The following INTS1 variants were observed in gnomAD, a reference collection of about 807,000 sequenced individuals.
INTS1 encodes integrator complex subunit 1.
INTS1 carries 137 observed loss-of-function variants against 241.6 expected under a neutral mutation model. The observed-to-expected ratio is 0.57, with a 90% CI of 0.49 to 0.65. INTS1 has a LOEUF of 0.65. Among genes scored for constraint, INTS1 ranks in the 30% least tolerant of loss-of-function variants. INTS1 has a pLI of 0.00. For missense variants in INTS1, 3,073 were observed against 3,032.2 expected (o/e 1.01, Z -0.32); for synonymous variants, 1,692 against 1,337.8 (o/e 1.26, Z -5.78).
chr7:1,470,347 G>C lies in INTS1; in HGVS notation c.*230C>G, dbSNP rs1781396905. 1 of 489,874 alleles carries C rather than the reference G, an allele frequency of 2.0e-6. No individual in the cohort carries two copies. The highest frequency in any genetic ancestry group is 3.6e-6 in the Non-Finnish European group (1 of 279,562). The allele number at this position is 489,874 out of a possible 1,614,324, so 30.3% of individuals were successfully genotyped here. A position where few individuals can be genotyped will look rare whatever the true frequency, so the allele number is the denominator to read the frequency against. On this transcript the variant is annotated 3_prime_UTR_variant, in exon 48 of 48. Transcript: ENST00000404767. ...GGGGGATCCGCCGCTCCGCGGCAGG[G>C]CTGTGGCCCAGAAGGTGAATGAGGG...
In INTS1 at chr7:1,487,788, G is replaced by A. The variant is rs762487738; in HGVS notation, c.2488C>T (p.Leu830=). Residue 830 remains leucine (L), a synonymous_variant, in exon 19 of 48, where the codon CTG becomes TTG. Transcript: ENST00000404767. ...QTITESSSLL[L]SQLTSLDPQG... is the part of the protein sequence containing the mutation. ...GGGTCCAGGCTGGTGAGCTGCGACA[G>A]GAGGAGGCTGCTGCTCTCAGTGATG... 6.2e-7 allele frequency: 1 copy of A among 1,610,878 alleles called. No individual in the cohort carries two copies. The highest frequency in any genetic ancestry group is 1.1e-5 in the South Asian group (1 of 91,090).
chr7:1,483,517 G>A, intron 26 of INTS1: 1 of 601,356 alleles, frequency 1.7e-6, no homozygotes, highest in Non-Finnish European at 3.0e-6. Flanking sequence ...TCTACAGGCT[G>A]GGAGGTCCCA....
chr7:1,493,983 C>T lies in INTS1; in HGVS notation c.1911-72G>A, dbSNP rs940796444. ...CCAGACCTGAGGGGCCGAGGACAGG[C>T]CAGCTTCTCCCTCAGAGCCCACGGG... On this transcript the variant is annotated intron_variant, in intron 14 of 47. Transcript: ENST00000404767. The surrounding 1 kb of genome is among the most constrained non-coding windows in gnomAD (Gnocchi z 5.3). 4 of 1,481,512 alleles carry T rather than the reference C, an allele frequency of 2.7e-6. No individual in the cohort carries two copies. Among genetic ancestry groups the T allele is most frequent in the African/African-American group, 2.8e-5 (2 of 71,002 alleles). 91.8% of individuals were successfully genotyped at this position (1,481,512 alleles called of 1,614,324 possible).
At chr7:1,483,077 C>T (rs1173763201) in intron 26 of INTS1, 1 of 243,320 alleles carries the variant, frequency 4.1e-6, no homozygotes, top group East Asian at 1.0e-4. Context: ...CCACACAGGG[C>T]CAGCTTCTCC....
chr7:1,498,652 CCACCCA>C, intron 9 of INTS1, 49 bp downstream of exon 9: 1 of 1,532,642 alleles, frequency 6.5e-7, no homozygotes, highest in Non-Finnish European at 8.8e-7. Flanking sequence ...GCCCACACCC[CCACCCA>C]CACCCCCACT....
chr7:1,478,821 T>G lies in INTS1; in HGVS notation c.4394A>C (p.Gln1465Pro), dbSNP rs1781858911. Residue 1465 changes from glutamine to proline, a missense_variant, in exon 32 of 48, where the codon CAG becomes CCG. Transcript: ENST00000404767. Reference sequence around the variant, plus strand: ...CTCCACGCCAGGGCTGTCCAGCCACTGCAGCATCTGCAGGAGCACCTTCAG... The same window carrying G: ...CTCCACGCCAGGGCTGTCCAGCCACGGCAGCATCTGCAGGAGCACCTTCAG... The part of the protein sequence containing the change: ...LFLKVLLQML[Q>P]WLDSPGVEGG... 1.2e-6 allele frequency: 2 copies of G among 1,609,926 alleles called. No individual in the cohort carries two copies. The highest frequency in any genetic ancestry group is 1.7e-6 in the Non-Finnish European group (2 of 1,178,678).
In INTS1 at chr7:1,492,994, C is replaced by T. The variant is rs776065679; in HGVS notation, c.2165+16G>A. 33 of 1,593,800 alleles carry T rather than the reference C, an allele frequency of 2.1e-5. No individual in the cohort carries two copies. Among genetic ancestry groups the T allele is most frequent in the Non-Finnish European group, 2.7e-5 (32 of 1,165,366 alleles). Reference sequence around the variant, plus strand: ...GGCTTACCCGGGCGGGAGTGGGGAGCGGGGCGTGGGCTTACCCCGGTGGGA... The same window carrying T: ...GGCTTACCCGGGCGGGAGTGGGGAGTGGGGCGTGGGCTTACCCCGGTGGGA... On this transcript the variant is annotated intron_variant, in intron 16 of 47. Transcript: ENST00000404767.
Position 1,472,484 on chromosome 7 carries a change from C to A in INTS1, c.6071-98G>T, listed in dbSNP as rs138993054. 2.4e-4 allele frequency: 198 copies of A among 809,484 alleles called. 1 individual carries two copies. The highest frequency in any genetic ancestry group is 1.9e-3 in the South Asian group (105 of 55,574). The allele number at this position is 809,484 out of a possible 1,614,324, so 50.1% of individuals were successfully genotyped here. A position where few individuals can be genotyped will look rare whatever the true frequency, so the allele number is the denominator to read the frequency against. ...CCTCCCGAGAGCACGGCGGCCACTG[C>A]CCAGGCTCCCAAGGTGCCTGCACAC... On this transcript the variant is annotated intron_variant, in intron 43 of 47. Transcript: ENST00000404767.
Position 1,500,788 on chromosome 7 carries a change from C to T in INTS1, c.350-422G>A, listed in dbSNP as rs567898544. 93 of 171,364 alleles carry T rather than the reference C, an allele frequency of 5.4e-4. 1 individual carries two copies. Among genetic ancestry groups the T allele is most frequent in the African/African-American group, 2.0e-3 (84 of 42,282 alleles). The allele number at this position is 171,364 out of a possible 1,614,324, so 10.6% of individuals were successfully genotyped here. Reference sequence around the variant, plus strand: ...TCCAGTCTCCAGCATGCCCTTCTTCCCACTTTTCCTCCCTCTTTCCATGGG... The same window carrying T: ...TCCAGTCTCCAGCATGCCCTTCTTCTCACTTTTCCTCCCTCTTTCCATGGG... On this transcript the variant is annotated intron_variant, in intron 3 of 47. Coordinates refer to ENST00000404767, the MANE Select transcript of INTS1 (RefSeq NM_001080453.3).
chr7:1,499,549 G>A lies in INTS1; in HGVS notation c.768C>T (p.Ala256=), dbSNP rs1472122340. 1.2e-6 allele frequency: 2 copies of A among 1,613,436 alleles called. No homozygotes were observed. The highest frequency in any genetic ancestry group is 8.5e-7 in the Non-Finnish European group (1 of 1,179,664). The change falls in exon 6 of 48, where the codon GCC becomes GCT. Residue 256 remains alanine, a synonymous_variant. Coordinates refer to ENST00000404767, the MANE Select transcript of INTS1 (RefSeq NM_001080453.3). ...TCCTGGGGGGCATTCTGGTGTTGAA[G>A]GCCGTCTGGATGTTGTCCACAAACG... ...CKTFVDNIQT[A]FNTRMPPRSV... is the part of the protein sequence containing the mutation.
rs1396456047 is a variant in INTS1, at chr7:1,497,311, G to A, written c.1429C>T (p.Leu477=). 2.5e-6 allele frequency: 4 copies of A among 1,612,072 alleles called. No individual in the cohort carries two copies. In the African/African-American group the frequency reaches 5.3e-5, roughly 22 times the overall value. Residue 477 remains leucine, a synonymous_variant, in exon 11 of 48, where the codon CTG becomes TTG. Transcript: ENST00000404767. The surrounding 1 kb of genome is among the most constrained non-coding windows in gnomAD (Gnocchi z 5.3). Reference sequence around the variant, plus strand: ...AGCAGGTCCTGGAACACCATGGCCAGGAACTGGGGCAGAGAGAGGCCGCGT... The same window carrying A: ...AGCAGGTCCTGGAACACCATGGCCAAGAACTGGGGCAGAGAGAGGCCGCGT... The part of the protein sequence containing the change: ...QHSSELAPKF[L]AMVFQDLLTN...
In INTS1 at chr7:1,478,492, G is replaced by A; in HGVS notation, c.4504C>T (p.Leu1502=). ...AAGGCCAGGGCCTCGGCCAGGCGCA[G>A]GAGCCCCCCTCGCACTGTGGGAGGT... ...RRLSDVRGGL[L]RLAEALAFRQ... Residue 1502 remains leucine, a synonymous_variant, in exon 33 of 48, where the codon CTG becomes TTG. Transcript: ENST00000404767. 4 of 1,611,240 alleles carry A rather than the reference G, an allele frequency of 2.5e-6. No individual in the cohort carries two copies. Among genetic ancestry groups the A allele is most frequent in the East Asian group, 2.2e-5 (1 of 44,850 alleles).
At chr7:1,476,998 A>G in intron 35 of INTS1, 80 bp from the exon 36 acceptor site, 1 of 1,506,974 alleles carries the variant, frequency 6.6e-7, no homozygotes, top group Non-Finnish European at 8.9e-7. Flanking sequence ...CAGCTTCCCC[A>G]ATGAGCCACT....
chr7:1,493,786 A>G lies in INTS1; in HGVS notation c.2036T>C (p.Leu679Pro). 6.3e-7 allele frequency: 1 copy of G among 1,579,194 alleles called. No homozygotes were observed. ...CTGCACGGCAGCCGCCCGCTTCACC[A>G]GGTGGTCAGCAAGCTCCATGGCGTC... ...PADAMELADH[L>P]VKRAAAVQAD... Residue 679 changes from leucine to proline, a missense_variant, in exon 15 of 48, where the codon CTG (leucine) becomes CCG (proline). Coordinates refer to ENST00000404767, the MANE Select transcript of INTS1 (RefSeq NM_001080453.3). This position sits in a 1 kb window ranked among gnomAD's most constrained non-coding sequence, Gnocchi z 5.3.
In INTS1 at chr7:1,479,480, G is replaced by A. The variant is rs202052814; in HGVS notation, c.4279C>T (p.Arg1427Cys). 183 of 1,577,812 alleles carry A rather than the reference G, an allele frequency of 1.2e-4. 1 individual carries two copies. In the African/African-American group the frequency reaches 1.6e-3, roughly 14 times the overall value. The change falls in exon 31 of 48, where the codon CGT becomes TGT. Residue 1427 changes from arginine (R) to cysteine (C), a missense_variant. By Grantham distance (180) the Arg-to-Cys change is radical. Transcript: ENST00000404767. Reference protein sequence around the residue: ...HGGALVMSMHRSHFLACPLLR... With the variant: ...HGGALVMSMHCSHFLACPLLR... ...AGCGGGCAGGCCAGGAAGTGGCTAC[G>A]GTGCATGGACATCACCAGGGCACCG... is the stretch of plus-strand genomic sequence containing the variant.
chr7:1,475,521 G>A (rs930594773), intron 39 of INTS1, among the ~76,000 whole-genome samples: 4 of 152,130 alleles, frequency 2.6e-5, no homozygotes, highest in African/African-American at 9.7e-5. Flanking sequence ...TGCAGGTTCC[G>A]GCCTGCGGTG....
At chr7:1,491,870 G>A (rs1782567604) in intron 16 of INTS1, among the ~76,000 whole-genome samples, 1 of 152,216 alleles carries the variant, frequency 6.6e-6, no homozygotes, top group African/African-American at 2.4e-5. Context: ...CCGCACTCCA[G>A]CCTAGGTGAC....
chr7:1,490,089 CA>C, intron 16 of INTS1, among the ~76,000 whole-genome samples: 1 of 151,814 alleles, frequency 6.6e-6, no homozygotes, highest in East Asian at 1.9e-4. Flanking sequence ...GGCTATGAGA[CA>C]GATGTGAATC....
chr7:1,479,754 G>A (rs1315449502), intron 30 of INTS1, 70 bp from the exon 31 acceptor site: 2 of 1,407,392 alleles, frequency 1.4e-6, no homozygotes, highest in Non-Finnish European at 1.9e-6. Context: ...GAGAGGCTAA[G>A]CGCCCGGTGC....
Sources: allele counts gnomAD v4.1 joint callset (sites outside exome capture counted in the v4.1 genomes callset), GRCh38; gene constraint gnomAD v4.1.1; non-coding constraint Gnocchi (gnomAD v3.1); transcripts MANE v1.5; gene names NCBI Gene and HGNC (gene_info 2026-07-23, HGNC 2026-07-21).